The following MTUS2 variants were observed in gnomAD, a reference collection of about 807,000 sequenced individuals.
MTUS2 encodes microtubule associated scaffold protein 2.
A neutral mutation model predicts 114.1 loss-of-function variants in MTUS2; 40 were observed. The observed-to-expected ratio is 0.35, with a 90% confidence interval of 0.27 to 0.46. The LOEUF (loss-of-function observed/expected upper bound fraction) is 0.46, where lower values mean the gene tolerates loss of function less well. MTUS2 is among the 20% of genes least tolerant of loss of function. The probability of loss-of-function intolerance (pLI) is 1.00; values close to 1 mark genes in which losing one functional copy is unlikely to be tolerated. For synonymous variants in MTUS2, 688 were observed against 672.0 expected (o/e 1.02, Z -0.37); for missense variants, 1,679 against 1,705.4 (o/e 0.98, Z 0.27).
chr13:28,858,632 C>T (rs1876782636), intron 2 of MTUS2, among the ~76,000 whole-genome samples: 1 of 152,166 alleles, frequency 6.6e-6, no homozygotes, highest in South Asian at 2.1e-4. Flanking sequence ...AGAGAGGGGA[C>T]ATATACTTTA....
At chr13:29,303,719 A>T (rs1479950680) in intron 6 of MTUS2, among the ~76,000 whole-genome samples, 1 of 152,218 alleles carries the variant, frequency 6.6e-6, no homozygotes, top group Non-Finnish European at 1.5e-5. Context: ...ATACTGCAGG[A>T]TATCATCCAG....
rs777182402 is a variant in MTUS2, at chr13:29,024,846, G to A, written c.148G>A (p.Glu50Lys). ...GTTGGAGGTCAGCTCCTCTCATGAC[G>A]AGTCCAAGACATGTGACCTGGGAGA... The part of the protein sequence containing the change: ...IMLEVSSSHD[E>K]SKTCDLGDEI... The change falls in exon 3 of 16, where the codon GAG (glutamate) becomes AAG (lysine). Residue 50 changes from glutamate (E) to lysine (K), a missense_variant. By Grantham distance (56) the Glu-to-Lys change is moderately conservative (BLOSUM62 1). Coordinates refer to ENST00000612955, the MANE Select transcript of MTUS2 (RefSeq NM_001033602.4). 9.3e-6 allele frequency: 15 copies of A among 1,613,840 alleles called. No homozygotes were observed. Among genetic ancestry groups the A allele is most frequent in the Admixed American group, 6.7e-5 (4 of 60,000 alleles).
intron 7 of MTUS2, among the ~76,000 whole-genome samples, chr13:29,334,013 T>G (rs980432956): frequency 6.6e-6 from 1 of 152,196 alleles, no homozygotes; most frequent in African/African-American, 2.4e-5. Context: ...TTGCAACCCC[T>G]GTTTTTTTGT....
chr13:29,007,621 C>G (rs531224131), intron 2 of MTUS2, among the ~76,000 whole-genome samples: 34 of 152,326 alleles, frequency 2.2e-4, no homozygotes, highest in African/African-American at 7.9e-4. Context: ...AACCCCTCCT[C>G]TTTCTCCTCC....
chr13:29,186,391 A>G (rs540209777), intron 5 of MTUS2, among the ~76,000 whole-genome samples: 6 of 152,372 alleles, frequency 3.9e-5, no homozygotes, highest in African/African-American at 9.6e-5. Flanking sequence ...GATCCAATGT[A>G]TACACAAATA....
At chr13:29,190,507 T>A (rs1207135129) in intron 5 of MTUS2, among the ~76,000 whole-genome samples, 1 of 152,182 alleles carries the variant, frequency 6.6e-6, no homozygotes, top group African/African-American at 2.4e-5. Flanking sequence ...GCTATGGAGG[T>A]GGTTGGGAAC....
intron 3 of MTUS2, among the ~76,000 whole-genome samples, chr13:29,031,547 G>A (rs151232609): frequency 3.0e-4 from 45 of 152,048 alleles, no homozygotes; most frequent in African/African-American, 9.4e-4. Flanking sequence ...TGCAGCTTGG[G>A]TCTGAAGGTG....
chr13:29,249,332 G>A (rs1391287323), intron 5 of MTUS2, among the ~76,000 whole-genome samples: 1 of 152,132 alleles, frequency 6.6e-6, no homozygotes, highest in Non-Finnish European at 1.5e-5. Flanking sequence ...CCCAGTAATG[G>A]GATGGCTGGG....
At chr13:29,218,185 G>T (rs1251932211) in intron 5 of MTUS2, among the ~76,000 whole-genome samples, 2 of 152,012 alleles carry the variant, frequency 1.3e-5, no homozygotes, top group Non-Finnish European at 2.9e-5. Context: ...AGTGTTTACA[G>T]TGTCTTCATG....
intron 6 of MTUS2, among the ~76,000 whole-genome samples, chr13:29,310,506 A>G (rs1014449664): frequency 6.6e-6 from 1 of 152,060 alleles, no homozygotes; most frequent in African/African-American, 2.4e-5. Context: ...ATGAAAGATG[A>G]TAAAGCTTTA....
chr13:29,120,869 A>G (rs1254247695), intron 5 of MTUS2, among the ~76,000 whole-genome samples: 1 of 152,260 alleles, frequency 6.6e-6, no homozygotes, highest in Non-Finnish European at 1.5e-5. Flanking sequence ...AGAAGGTTGT[A>G]TAAAATCATT....
intron 4 of MTUS2, among the ~76,000 whole-genome samples, chr13:29,093,670 T>A (rs1033102113): frequency 1.3e-5 from 2 of 152,188 alleles, no homozygotes; most frequent in Non-Finnish European, 2.9e-5. Flanking sequence ...TTTCTTGGGA[T>A]TTTCTATATA....
At chr13:28,959,118 C>A (rs1004997364) in intron 2 of MTUS2, among the ~76,000 whole-genome samples, 9 of 152,200 alleles carry the variant, frequency 5.9e-5, no homozygotes, top group African/African-American at 2.2e-4. Flanking sequence ...CAGAAGAGCC[C>A]ATGGATACAG....
chr13:28,982,354 AAAAAG>A (rs921047392), intron 2 of MTUS2, among the ~76,000 whole-genome samples: 8 of 152,042 alleles, frequency 5.3e-5, no homozygotes, highest in African/African-American at 1.9e-4. Flanking sequence ...TTTAAAAAAA[AAAAAG>A]AAAATAGCAA....
intron 2 of MTUS2, among the ~76,000 whole-genome samples, chr13:28,955,915 T>A (rs945168418): frequency 4.0e-5 from 6 of 151,706 alleles, no homozygotes; most frequent in South Asian, 2.1e-4. Context: ...TTTCTTTTTT[T>A]AAAAATTTCC....
chr13:28,855,388 C>T (rs537988120), intron 2 of MTUS2, among the ~76,000 whole-genome samples: 2 of 152,238 alleles, frequency 1.3e-5, no homozygotes, highest in East Asian at 3.9e-4. Flanking sequence ...GCCCAGCATG[C>T]ATTAGCTATT....
chr13:29,027,709 G>C (rs1383022074), intron 3 of MTUS2, among the ~76,000 whole-genome samples: 2 of 152,074 alleles, frequency 1.3e-5, no homozygotes, highest in Admixed American at 6.5e-5. Context: ...CCGCCACCGC[G>C]CCTGGCTACT....
At chr13:29,220,537 TG>T (rs1332634914) in intron 5 of MTUS2, among the ~76,000 whole-genome samples, 1 of 152,176 alleles carries the variant, frequency 6.6e-6, no homozygotes, top group Non-Finnish European at 1.5e-5. Flanking sequence ...TGTTGTGCCT[TG>T]GGGAATAGGG....
Position 29,025,227 on chromosome 13 carries a change from T to C in MTUS2, c.529T>C (p.Leu177=), listed in dbSNP as rs1236659651. Residue 177 remains leucine, a synonymous_variant, in exon 3 of 16, where the codon TTG becomes CTG. Coordinates refer to ENST00000612955, the MANE Select transcript of MTUS2 (RefSeq NM_001033602.4). ...LDNEELRRHS[L]ERASSSVAAV... ...CAATGAGGAACTGAGGAGGCATTCTTTGGAAAGAGCAAGCAGCTCTGTAGC... is the reference window on the plus strand; with the variant it reads ...CAATGAGGAACTGAGGAGGCATTCTCTGGAAAGAGCAAGCAGCTCTGTAGC... 3.1e-6 allele frequency: 5 copies of C among 1,613,830 alleles called. No individual in the cohort carries two copies. The highest frequency in any genetic ancestry group is 4.2e-6 in the Non-Finnish European group (5 of 1,179,882).
Sources: allele counts gnomAD v4.1 joint callset (sites outside exome capture counted in the v4.1 genomes callset), GRCh38; gene constraint gnomAD v4.1.1; transcripts MANE v1.5; gene names NCBI Gene and HGNC (gene_info 2026-07-23, HGNC 2026-07-21).